The following PRDM12 variants were observed in gnomAD, a reference collection of about 807,000 sequenced individuals.
The protein encoded by PRDM12 is PR domain zinc finger protein 12.
A neutral mutation model predicts 29.6 loss-of-function variants in PRDM12; 17 were observed. That is an observed-to-expected ratio of 0.57 (90% CI 0.39 to 0.86). The LOEUF (loss-of-function observed/expected upper bound fraction) is 0.86, where lower values mean the gene tolerates loss of function less well. PRDM12 is among the 40% of genes least tolerant of loss of function. The pLI is 0.00. For synonymous variants in PRDM12, 231 were observed against 225.8 expected (o/e 1.02, Z -0.21); for missense variants, 422 against 510.8 (o/e 0.83, Z 1.68).
At chr9:130,667,094 G>A (rs975704240) in intron 2 of PRDM12, among the ~76,000 whole-genome samples, 1 of 152,234 alleles carries the variant, frequency 6.6e-6, no homozygotes, top group African/African-American at 2.4e-5. Flanking sequence ...AGAGCAGTCA[G>A]GTCGCTTGCC....
intron 3 of PRDM12, among the ~76,000 whole-genome samples, chr9:130,671,420 G>A (rs1293771983): frequency 8.4e-6 from 1 of 119,660 alleles, no homozygotes; most frequent in African/African-American, 2.9e-5. Flanking sequence ...CACACACACT[G>A]TATCACATAT....
chr9:130,676,280 G>A (rs1419043714), intron 3 of PRDM12, among the ~76,000 whole-genome samples: 3 of 152,114 alleles, frequency 2.0e-5, no homozygotes. Flanking sequence ...CACGAGATCA[G>A]GAGATCGAGA....
rs1830902366 is a variant in PRDM12 at position 130,681,571 on chromosome 9, G to T, written c.1006G>T (p.Ala336Ser). The stretch of plus-strand genomic sequence containing the variant: ...CACCGCGCTGCAGGCACACTCGCCC[G>T]CGCTGCCCGCCCCGCACGCGCACGC... The part of the protein sequence containing the change: ...PSTALQAHSP[A>S]LPAPHAHAPA... The change falls in exon 5 of 5, where the codon GCG becomes TCG. Residue 336 changes from alanine (A) to serine (S), a missense_variant. Around this residue, in one of 5 missense-constraint regions of PRDM12, gnomAD observed 66 missense variants for 61.5 expected, o/e 1.07. Transcript: ENST00000253008. The surrounding 1 kb of genome is among the most constrained non-coding windows in gnomAD (Gnocchi z 8.1). 1 of 1,203,758 alleles carries T rather than the reference G, an allele frequency of 8.3e-7. No homozygotes were observed. The highest frequency in any genetic ancestry group is 1.6e-5 in the African/African-American group (1 of 62,840). 74.6% of individuals were successfully genotyped at this position (1,203,758 alleles called of 1,614,324 possible). A position where few individuals can be genotyped will look rare whatever the true frequency, so the allele number is the denominator to read the frequency against.
At chr9:130,680,659 A>ATATATATATATATATATATATTT in intron 4 of PRDM12, among the ~76,000 whole-genome samples, 17 of 72,154 alleles carry the variant, frequency 2.4e-4, no homozygotes, top group East Asian at 6.4e-4. Context: ...ATATATATAT[A>ATATATATATATATATATATATTT]TTTTTTTTTT....
At position 130,681,879 on chromosome 9, in the gene PRDM12, GC is replaced by G; in HGVS notation, c.*212del. On this transcript the variant is annotated 3_prime_UTR_variant, in exon 5 of 5. Transcript: ENST00000253008. The surrounding 1 kb of genome is among the most constrained non-coding windows in gnomAD (Gnocchi z 8.1). ...ACTGAGGGCGGCGTCCCTCACCCAG[GC>G]CACGCAGCTGGTGCGGCTGTTCGGC... The G allele has an allele frequency of 3.1e-6, 1 of 320,022 alleles. No homozygotes were observed. The highest frequency in any genetic ancestry group is 4.5e-6 in the Non-Finnish European group (1 of 221,820). 19.8% of individuals were successfully genotyped at this position (320,022 alleles called of 1,614,324 possible). A position where few individuals can be genotyped will look rare whatever the true frequency, so the allele number is the denominator to read the frequency against.
chr9:130,668,285 G>A lies in PRDM12; in HGVS notation c.542G>A (p.Gly181Asp). Residue 181 changes from glycine to aspartate, a missense_variant, in exon 3 of 5, where the codon GGC becomes GAC. Physicochemically the swap from Gly to Asp is moderately conservative, Grantham distance 94. Coordinates refer to ENST00000253008, the MANE Select transcript of PRDM12 (RefSeq NM_021619.3). This position sits in a 1 kb window ranked among gnomAD's most constrained non-coding sequence, Gnocchi z 4.0. ...QEQNLEVVQI[G>D]TSIFYKAIEM... Reference sequence around the variant, plus strand: ...CAGAACCTGGAGGTGGTCCAGATCGGCACCAGCATCTTCTACAAGGCCATT... The same window carrying A: ...CAGAACCTGGAGGTGGTCCAGATCGACACCAGCATCTTCTACAAGGCCATT... 2 of 1,614,078 alleles carry A rather than the reference G, an allele frequency of 1.2e-6. No homozygotes were observed. The highest frequency in any genetic ancestry group is 3.3e-4 in the Middle Eastern group (2 of 6,062).
Position 130,681,478 on chromosome 9 carries a change from C to T in PRDM12, c.913C>T (p.Gln305Ter). Residue 305 changes from glutamine (Q) to a stop codon, truncating the protein, a stop_gained, in exon 5 of 5, where the codon CAG becomes TAG. Transcript: ENST00000253008. LOFTEE classifies it high-confidence loss of function. The surrounding 1 kb of genome is among the most constrained non-coding windows in gnomAD (Gnocchi z 8.1). The part of the protein sequence containing the change: ...GERPYKCQVC[Q>*]SAYSQLAGLR... ...GCGCCCCTACAAGTGCCAGGTGTGC[C>T]AGAGCGCCTACTCGCAGCTGGCCGG... 1.3e-6 allele frequency: 2 copies of T among 1,540,918 alleles called. No homozygotes were observed. The highest frequency in any genetic ancestry group is 1.7e-6 in the Non-Finnish European group (2 of 1,144,892).
intron 3 of PRDM12, among the ~76,000 whole-genome samples, chr9:130,669,253 G>C (rs1394347231): frequency 6.6e-6 from 1 of 152,114 alleles, no homozygotes; most frequent in Non-Finnish European, 1.5e-5. Flanking sequence ...CGTGAACCCG[G>C]AAGGCGGAGC....
chr9:130,678,511 T>C lies in PRDM12; in HGVS notation c.571-18T>C. ...CAGCTGCGGCCTCCCTGACCTCCTC[T>C]TGCCTTCTTCCCTGCAGATGATCCC... On this transcript the variant is annotated intron_variant, in intron 3 of 4. Coordinates refer to ENST00000253008, the MANE Select transcript of PRDM12 (RefSeq NM_021619.3). The C allele has an allele frequency of 6.3e-7, 1 of 1,589,372 alleles. No individual in the cohort carries two copies. Among genetic ancestry groups the C allele is most frequent in the Non-Finnish European group, 8.6e-7 (1 of 1,160,570 alleles).
intron 4 of PRDM12, among the ~76,000 whole-genome samples, chr9:130,679,948 A>G (rs1830878642): frequency 6.6e-6 from 1 of 151,774 alleles, no homozygotes; most frequent in African/African-American, 2.4e-5. Flanking sequence ...GGCATGAGGC[A>G]CCGTGGTCAG....
chr9:130,670,774 A>G (rs1167593618), intron 3 of PRDM12, among the ~76,000 whole-genome samples: 1 of 152,140 alleles, frequency 6.6e-6, no homozygotes, highest in Non-Finnish European at 1.5e-5. Context: ...CCCCACACGC[A>G]CACACATACC....
rs1830899042 is a variant in PRDM12 at position 130,681,364 on chromosome 9, C to T, written c.799C>T (p.Leu267=). ...GCGCTCGCACATGCGCATCCACACGCTGGACAAGCCCTTCGTGTGCCGCTT... is the reference window on the plus strand; with the variant it reads ...GCGCTCGCACATGCGCATCCACACGTTGGACAAGCCCTTCGTGTGCCGCTT... The part of the protein sequence containing the change: ...NLRSHMRIHT[L]DKPFVCRFCN... The change falls in exon 5 of 5, where the codon CTG becomes TTG. Residue 267 remains leucine (L), a synonymous_variant. Transcript: ENST00000253008. The surrounding 1 kb of genome is among the most constrained non-coding windows in gnomAD (Gnocchi z 8.1). 1 of 1,588,224 alleles carries T rather than the reference C, an allele frequency of 6.3e-7. No individual in the cohort carries two copies. Among genetic ancestry groups the T allele is most frequent in the African/African-American group, 1.4e-5 (1 of 73,250 alleles).
At chr9:130,676,961 T>TGGTC in intron 3 of PRDM12, among the ~76,000 whole-genome samples, 1 of 151,184 alleles carries the variant, frequency 6.6e-6, no homozygotes, top group Admixed American at 6.6e-5. Flanking sequence ...CAGACTGGAG[T>TGGTC]GGTCACCCAG....
chr9:130,675,943 G>A (rs1347810920), intron 3 of PRDM12, among the ~76,000 whole-genome samples: 1 of 152,174 alleles, frequency 6.6e-6, no homozygotes, highest in Non-Finnish European at 1.5e-5. Flanking sequence ...GAGTTGGGGG[G>A]AAACTCAGGG....
At chr9:130,675,081 T>C (rs1359264329) in intron 3 of PRDM12, among the ~76,000 whole-genome samples, 4 of 152,332 alleles carry the variant, frequency 2.6e-5, no homozygotes, top group African/African-American at 7.2e-5. Flanking sequence ...GGTTTCACCA[T>C]GTTGGCCAGG....
intron 3 of PRDM12, among the ~76,000 whole-genome samples, chr9:130,678,279 A>C (rs909970150): frequency 2.0e-5 from 3 of 151,696 alleles, no homozygotes; most frequent in African/African-American, 7.3e-5. Flanking sequence ...TCAGCTTGGA[A>C]GCACTCCTGT....
chr9:130,680,647 ATATATATATATAT>A lies in PRDM12; in HGVS notation c.683-599_683-587del, dbSNP rs1471390281. Among the ~76,000 whole-genome samples the A allele has an allele frequency of 3.7e-3, 294 of 78,880 alleles. 5 individuals carry two copies. The highest frequency in any genetic ancestry group is 0.02 in the African/African-American group (269 of 13,488). The allele number at this position is 78,880 out of a possible 152,430, so 51.7% of individuals were successfully genotyped here. The stretch of plus-strand genomic sequence containing the variant: ...CTAAAAAAAAAAAATATATATATAT[ATATATATATATAT>A]TTTTTTTTTTTTTAACTGATCCTTA... On this transcript the variant is annotated intron_variant, in intron 4 of 4. Coordinates refer to ENST00000253008, the MANE Select transcript of PRDM12 (RefSeq NM_021619.3).
intron 3 of PRDM12, among the ~76,000 whole-genome samples, chr9:130,677,505 GGGGTGTCT>G (rs1420262389): frequency 6.6e-6 from 1 of 152,252 alleles, no homozygotes; most frequent in Non-Finnish European, 1.5e-5. Context: ...CTGTTGCCTG[GGGGTGTCT>G]GGGTTTCTCT....
rs187320548 is a variant in PRDM12 at position 130,678,743 on chromosome 9, G to A, written c.682+103G>A. 8.4e-4 allele frequency: 788 copies of A among 935,124 alleles called. 7 individuals are homozygous for A. The African/African-American group carries it at 0.012, about 14-fold the overall frequency. 57.9% of individuals were successfully genotyped at this position (935,124 alleles called of 1,614,324 possible). Reference sequence around the variant, plus strand: ...GAGGCAGAGAGGCTCTTGGCCTCCAGGGACCTTGGTTCAATGTCTGGCAGC... The same window carrying A: ...GAGGCAGAGAGGCTCTTGGCCTCCAAGGACCTTGGTTCAATGTCTGGCAGC... On this transcript the variant is annotated intron_variant, in intron 4 of 4. Transcript: ENST00000253008.
Sources: allele counts gnomAD v4.1 joint callset (sites outside exome capture counted in the v4.1 genomes callset), GRCh38; gene constraint gnomAD v4.1.1; regional missense constraint gnomAD v4.1.1; non-coding constraint Gnocchi (gnomAD v3.1); transcripts MANE v1.5; gene names NCBI Gene and HGNC (gene_info 2026-07-23, HGNC 2026-07-21).